Variants in EEFSEC observed in about 807,000 individuals in gnomAD.
EEFSEC encodes selenocysteine-specific elongation factor.
Under a neutral mutation model 42.1 loss-of-function variants are expected in EEFSEC, and 43 were observed. The ratio of observed to expected loss-of-function variants is 1.02; its 90% confidence interval spans 0.80 to 1.32. The LOEUF is 1.32. Ranked by LOEUF, EEFSEC falls within the 40% of genes most tolerant of loss-of-function variation. The probability of loss-of-function intolerance (pLI) is 0.00; values close to 1 mark genes in which losing one functional copy is unlikely to be tolerated. For missense variants in EEFSEC, 745 were observed against 803.6 expected, an observed-to-expected ratio of 0.93 and a Z score of 0.88; for synonymous variants, 354 against 339.1, an observed-to-expected ratio of 1.04 and a Z score of -0.48.
chr3:128,235,863 G>A, intron 1 of EEFSEC, among the ~76,000 whole-genome samples: 1 of 37,038 alleles, frequency 2.7e-5, no homozygotes, highest in African/African-American at 6.2e-5. Flanking sequence ...ACGGCCATTT[G>A]CCGTTGTGCT....
chr3:128,350,634 G>A (rs988726322), intron 5 of EEFSEC, among the ~76,000 whole-genome samples: 2 of 152,218 alleles, frequency 1.3e-5, no homozygotes, highest in African/African-American at 4.8e-5. Context: ...TGGAGTGCTT[G>A]TTCACCTTCC....
intron 6 of EEFSEC, chr3:128,367,651 G>T (rs556721490): frequency 1.0e-6 from 1 of 985,420 alleles, no homozygotes; most frequent in Non-Finnish European, 1.2e-6. Flanking sequence ...GCCGATTATG[G>T]ACTTATGTCC....
chr3:128,241,091 A>C (rs916844336), intron 1 of EEFSEC, among the ~76,000 whole-genome samples: 4 of 151,496 alleles, frequency 2.6e-5, no homozygotes, highest in African/African-American at 9.7e-5. Flanking sequence ...GTTTCAGGGT[A>C]CTGTTGTAGA....
chr3:128,248,211 CA>C, intron 2 of EEFSEC, among the ~76,000 whole-genome samples: 1 of 152,354 alleles, frequency 6.6e-6, no homozygotes, highest in Non-Finnish European at 1.5e-5. Context: ...CACTGGGAGA[CA>C]GGGATGCTTC....
intron 4 of EEFSEC, among the ~76,000 whole-genome samples, chr3:128,300,373 G>A (rs769769030): frequency 6.6e-6 from 1 of 152,144 alleles, no homozygotes; most frequent in African/African-American, 2.4e-5. Context: ...GGAGGCTGAG[G>A]TGGGTGGATC....
intron 1 of EEFSEC, among the ~76,000 whole-genome samples, chr3:128,162,725 G>T (rs13071740): frequency 0.14 from 21,322 of 152,152 alleles, 1,694 homozygotes; most frequent in African/African-American, 0.21. Context: ...TTGCCCTTGA[G>T]AACAAAACAT....
intron 5 of EEFSEC, among the ~76,000 whole-genome samples, chr3:128,356,116 A>G (rs1484617004): frequency 6.6e-6 from 1 of 152,262 alleles, no homozygotes; most frequent in Non-Finnish European, 1.5e-5. Flanking sequence ...GATTGTTCAC[A>G]GCTACAGGCC....
intron 6 of EEFSEC, among the ~76,000 whole-genome samples, chr3:128,362,004 C>T (rs1049515008): frequency 2.0e-5 from 3 of 152,220 alleles, no homozygotes; most frequent in Non-Finnish European, 4.4e-5. Context: ...GGGCTTTGCC[C>T]ACGGTCTGTC....
intron 6 of EEFSEC, among the ~76,000 whole-genome samples, chr3:128,369,758 A>G (rs1023083002): frequency 6.6e-6 from 1 of 152,212 alleles, no homozygotes; most frequent in Non-Finnish European, 1.5e-5. Context: ...CATACTGAAG[A>G]GTGGAAAGCT....
intron 4 of EEFSEC, among the ~76,000 whole-genome samples, chr3:128,281,208 CCTT>C (rs1212961027): frequency 6.6e-6 from 1 of 152,234 alleles, no homozygotes; most frequent in Non-Finnish European, 1.5e-5. Flanking sequence ...ATCGGACCCT[CCTT>C]CTGAGCATAC....
chr3:128,350,122 A>C (rs1348396770), intron 5 of EEFSEC, among the ~76,000 whole-genome samples: 1 of 152,212 alleles, frequency 6.6e-6, no homozygotes, highest in East Asian at 1.9e-4. Flanking sequence ...CGCCATCAGG[A>C]GCACTCGCCA....
intron 6 of EEFSEC, among the ~76,000 whole-genome samples, chr3:128,391,434 C>T (rs1351222312): frequency 1.3e-5 from 2 of 152,234 alleles, no homozygotes; most frequent in East Asian, 3.8e-4. Flanking sequence ...AGGTTCTGGG[C>T]CCTGGCTGGT....
chr3:128,157,234 A>T (rs1280440693), intron 1 of EEFSEC, among the ~76,000 whole-genome samples: 1 of 152,256 alleles, frequency 6.6e-6, no homozygotes, highest in Non-Finnish European at 1.5e-5. Context: ...GAAGCTGCAG[A>T]AGAAAAGTTT....
At chr3:128,417,008 A>G in the EEFSEC span, among the ~76,000 whole-genome samples, 1 of 152,108 alleles carries the variant, frequency 6.6e-6, no homozygotes, top group African/African-American at 2.4e-5. This position sits in a 1 kb window ranked among gnomAD's most constrained non-coding sequence, Gnocchi z 4.3. Flanking sequence ...TCACTGTCCC[A>G]GCAGGGTTCC....
At chr3:128,267,234 C>T (rs971472186) in intron 4 of EEFSEC, among the ~76,000 whole-genome samples, 1 of 152,086 alleles carries the variant, frequency 6.6e-6, no homozygotes, top group South Asian at 2.1e-4. Context: ...CAGGGATGTT[C>T]GAGTGGGGTC....
At chr3:128,223,682 A>G (rs2065881891) in intron 1 of EEFSEC, among the ~76,000 whole-genome samples, 4 of 152,242 alleles carry the variant, frequency 2.6e-5, no homozygotes, top group Admixed American at 2.6e-4. Context: ...ATTTAGTGAC[A>G]ACAACACAGA....
chr3:128,174,866 C>T (rs2065332475), intron 1 of EEFSEC, among the ~76,000 whole-genome samples: 1 of 152,114 alleles, frequency 6.6e-6, no homozygotes, highest in African/African-American at 2.4e-5. Context: ...AGTCAAAAGT[C>T]CTCTTCCCTC....
At chr3:128,285,633 A>G (rs2066576432) in intron 4 of EEFSEC, among the ~76,000 whole-genome samples, 1 of 152,034 alleles carries the variant, frequency 6.6e-6, no homozygotes, top group African/African-American at 2.4e-5. Context: ...CTGATCCCCA[A>G]TCTGTAGTTG....
intron 4 of EEFSEC, among the ~76,000 whole-genome samples, chr3:128,276,002 C>T (rs1030140847): frequency 7.2e-5 from 11 of 152,150 alleles, no homozygotes; most frequent in African/African-American, 9.7e-5. Context: ...TCCTGGGTGC[C>T]GCTGCTCCCC....
Sources: allele counts gnomAD v4.1 joint callset (sites outside exome capture counted in the v4.1 genomes callset), GRCh38; gene constraint gnomAD v4.1.1; non-coding constraint Gnocchi (gnomAD v3.1); transcripts MANE v1.5; gene names NCBI Gene and HGNC (gene_info 2026-07-23, HGNC 2026-07-21).